Variants in NRG3 observed in about 807,000 individuals in gnomAD.
NRG3 encodes the protein pro-neuregulin-3, membrane-bound isoform.
A neutral mutation model predicts 66.9 loss-of-function variants in NRG3; 31 were observed. The observed-to-expected ratio is 0.46, with a 90% CI of 0.35 to 0.63. The LOEUF is 0.63. Among genes scored for constraint, NRG3 ranks in the 20% least tolerant of loss-of-function variants. NRG3 has a pLI of 0.00. For missense variants in NRG3, 910 were observed against 878.9 expected, an observed-to-expected ratio of 1.04 and a Z score of -0.45; for synonymous variants, 393 against 359.4, an observed-to-expected ratio of 1.09 and a Z score of -1.06.
chr10:82,502,045 T>G (rs1381000234), intron 2 of NRG3, among the ~76,000 whole-genome samples: 1 of 152,158 alleles, frequency 6.6e-6, no homozygotes, highest in Non-Finnish European at 1.5e-5. Context: ...TCCAGTGTCT[T>G]AAGTCATAGG....
chr10:82,129,055 G>C (rs1185659381), intron 1 of NRG3, among the ~76,000 whole-genome samples: 3 of 151,934 alleles, frequency 2.0e-5, no homozygotes, highest in Non-Finnish European at 4.4e-5. Context: ...TGTGATTACA[G>C]ATGCCTGCCA....
intron 1 of NRG3, among the ~76,000 whole-genome samples, chr10:82,056,158 G>A (rs538975015): frequency 7.9e-5 from 12 of 152,192 alleles, no homozygotes; most frequent in South Asian, 2.1e-4. Flanking sequence ...TTTGTTTAGC[G>A]AGTTAGACAT....
intron 3 of NRG3, among the ~76,000 whole-genome samples, chr10:82,753,155 T>A (rs1352838281): frequency 6.6e-6 from 1 of 152,226 alleles, no homozygotes; most frequent in African/African-American, 2.4e-5. Context: ...ACATGACGGT[T>A]TGTTTTATGA....
At chr10:82,521,892 T>C (rs1376239517) in intron 2 of NRG3, among the ~76,000 whole-genome samples, 1 of 152,142 alleles carries the variant, frequency 6.6e-6, no homozygotes, top group African/African-American at 2.4e-5. Context: ...GAAACCACTT[T>C]CTTTGTTCAT....
chr10:82,215,601 G>T (rs893039360), intron 1 of NRG3, among the ~76,000 whole-genome samples: 1 of 152,146 alleles, frequency 6.6e-6, no homozygotes, highest in African/African-American at 2.4e-5. Context: ...AAGCCAATGT[G>T]TTCTGAATAA....
chr10:82,032,254 T>A (rs1228067519), intron 1 of NRG3, among the ~76,000 whole-genome samples: 1 of 152,024 alleles, frequency 6.6e-6, no homozygotes, highest in Non-Finnish European at 1.5e-5. Context: ...GTTATTATTC[T>A]CCCTAAGAAA....
intron 3 of NRG3, among the ~76,000 whole-genome samples, chr10:82,826,870 C>A (rs2062237781): frequency 6.6e-6 from 1 of 151,716 alleles, no homozygotes; most frequent in Non-Finnish European, 1.5e-5. Context: ...TGCAATTTAC[C>A]CATGTTACAA....
chr10:82,581,809 A>T (rs1249065992), intron 2 of NRG3, among the ~76,000 whole-genome samples: 1 of 151,754 alleles, frequency 6.6e-6, no homozygotes, highest in African/African-American at 2.4e-5. Flanking sequence ...GGTAACCTAG[A>T]TTTTTTTTCC....
At chr10:82,888,559 A>G (rs914790624) in intron 4 of NRG3, among the ~76,000 whole-genome samples, 2 of 152,154 alleles carry the variant, frequency 1.3e-5, no homozygotes, top group African/African-American at 4.8e-5. Flanking sequence ...GGAAATGCTT[A>G]TTCATTTACT....
chr10:82,868,779 G>T (rs1291685054), intron 4 of NRG3, among the ~76,000 whole-genome samples: 1 of 151,984 alleles, frequency 6.6e-6, no homozygotes, highest in Non-Finnish European at 1.5e-5. Context: ...TGCAACCTCC[G>T]CCTCCCAAGT....
chr10:82,537,523 A>T (rs2043243674), intron 2 of NRG3, among the ~76,000 whole-genome samples: 1 of 152,158 alleles, frequency 6.6e-6, no homozygotes, highest in South Asian at 2.1e-4. Flanking sequence ...GATAAGAGTC[A>T]GTTAGATTTA....
At chr10:82,945,689 C>A (rs1300448430) in intron 4 of NRG3, among the ~76,000 whole-genome samples, 1 of 152,170 alleles carries the variant, frequency 6.6e-6, no homozygotes, top group South Asian at 2.1e-4. Context: ...AGTTTACTCT[C>A]ATGATAACAG....
At chr10:81,909,567 T>C (rs1012416221) in intron 1 of NRG3, among the ~76,000 whole-genome samples, 3 of 152,140 alleles carry the variant, frequency 2.0e-5, no homozygotes, top group African/African-American at 2.4e-5. Context: ...TGATCCAAAA[T>C]TGGCTGCAAA....
At chr10:82,072,949 T>A (rs2064889746) in intron 1 of NRG3, among the ~76,000 whole-genome samples, 1 of 151,868 alleles carries the variant, frequency 6.6e-6, no homozygotes, top group African/African-American at 2.4e-5. Flanking sequence ...AATTTTTTAA[T>A]TGTTTTGTAG....
Position 82,126,226 on chromosome 10 carries a change from A to G in NRG3, c.824-232513A>G, listed in dbSNP as rs150769113. 9.1e-3 allele frequency among the ~76,000 whole-genome samples: 1,386 copies of G among 152,282 alleles called. 25 individuals carry two copies. Among genetic ancestry groups the G allele is most frequent in the Non-Finnish European group, 0.013 (909 of 68,014 alleles). ...TACCTTAGATAATAAATTAAATATC[A>G]TAAGGTTGTTATTACCACTTAGGAA... On this transcript the variant is annotated intron_variant, in intron 1 of 8. Transcript: ENST00000372141.
At chr10:82,852,418 G>T (rs1355155061) in intron 3 of NRG3, among the ~76,000 whole-genome samples, 1 of 151,878 alleles carries the variant, frequency 6.6e-6, no homozygotes, top group Non-Finnish European at 1.5e-5. Context: ...TATGTAACAA[G>T]CTTGCACATT....
At chr10:82,183,501 C>T (rs1421210682) in intron 1 of NRG3, among the ~76,000 whole-genome samples, 1 of 152,008 alleles carries the variant, frequency 6.6e-6, no homozygotes, top group Non-Finnish European at 1.5e-5. Context: ...GCTTTTTAAA[C>T]TATATCTTCT....
At chr10:81,914,462 G>A (rs1426279449) in intron 1 of NRG3, among the ~76,000 whole-genome samples, 1 of 152,144 alleles carries the variant, frequency 6.6e-6, no homozygotes, top group Non-Finnish European at 1.5e-5. Context: ...GCCAGGCGCA[G>A]TGGCTCACAC....
At chr10:81,973,220 TC>T (rs1333771828) in intron 1 of NRG3, among the ~76,000 whole-genome samples, 21 of 152,180 alleles carry the variant, frequency 1.4e-4, no homozygotes, top group Admixed American at 5.9e-4. Context: ...TTCATCCATG[TC>T]CCTGCAAAGG....
Sources: allele counts gnomAD v4.1 joint callset (sites outside exome capture counted in the v4.1 genomes callset), GRCh38; gene constraint gnomAD v4.1.1; transcripts MANE v1.5; gene names NCBI Gene and HGNC (gene_info 2026-07-23, HGNC 2026-07-21).